Variants in HSD17B6 observed in about 807,000 individuals in gnomAD.
HSD17B6 encodes hydroxysteroid 17-beta dehydrogenase 6, also known as 17-beta-hydroxysteroid dehydrogenase type 6.
In HSD17B6, 16 loss-of-function variants were observed where a neutral mutation model predicts 26.4. That is an observed-to-expected ratio of 0.61 (90% CI 0.41 to 0.92). The LOEUF (loss-of-function observed/expected upper bound fraction) is 0.92. HSD17B6 is among the 40% of genes least tolerant of loss of function. The pLI, the probability that HSD17B6 is intolerant of heterozygous loss-of-function variation, is 0.00. For missense variants in HSD17B6, 357 were observed against 386.1 expected, an observed-to-expected ratio of 0.92 and a Z score of 0.63; for synonymous variants, 139 against 153.0, an observed-to-expected ratio of 0.91 and a Z score of 0.68.
At chr12:56,781,881 G>A (rs1954721950) in intron 2 of HSD17B6, 93 bp from the exon 3 acceptor site, 3 of 1,336,956 alleles carry the variant, frequency 2.2e-6, no homozygotes, top group Non-Finnish European at 3.1e-6. Context: ...TAGTGGTTAT[G>A]ATTCCTCAAG....
chr12:56,777,723 A>T (rs1333553024), intron 2 of HSD17B6, among the ~76,000 whole-genome samples: 1 of 152,124 alleles, frequency 6.6e-6, no homozygotes, highest in African/African-American at 2.4e-5. Flanking sequence ...TGATTTGACT[A>T]AAAAAATTTT....
intron 2 of HSD17B6, among the ~76,000 whole-genome samples, chr12:56,775,641 C>T (rs527894844): frequency 6.6e-6 from 1 of 152,106 alleles, no homozygotes; most frequent in East Asian, 1.9e-4. Context: ...CAACAATTTT[C>T]CCTTTTTTTT....
chr12:56,769,093 G>A (rs1954410686), intron 1 of HSD17B6, among the ~76,000 whole-genome samples: 2 of 141,248 alleles, frequency 1.4e-5, no homozygotes, highest in Admixed American at 8.0e-5. Flanking sequence ...GGCAGTTTCA[G>A]CTTTTCAAGG....
chr12:56,769,129 G>T (rs187189892), intron 1 of HSD17B6, among the ~76,000 whole-genome samples: 1 of 143,972 alleles, frequency 6.9e-6, no homozygotes, highest in Admixed American at 7.2e-5. Context: ...TTGAGGCAGA[G>T]TCTCACTCTG....
At chr12:56,766,690 G>A (rs1592354799) in intron 1 of HSD17B6, among the ~76,000 whole-genome samples, 1 of 152,316 alleles carries the variant, frequency 6.6e-6, no homozygotes, top group African/African-American at 2.4e-5. Flanking sequence ...GCCCTATGTG[G>A]ATGAGAGGGG....
chr12:56,772,113 G>T (rs188749474), intron 1 of HSD17B6, among the ~76,000 whole-genome samples: 3 of 151,944 alleles, frequency 2.0e-5, no homozygotes, highest in Admixed American at 1.3e-4. Context: ...GTGTGAAAAC[G>T]GACTAGTACA....
At chr12:56,781,873 G>T (rs1954721717) in intron 2 of HSD17B6, 101 bp from the exon 3 acceptor site, 2 of 1,223,126 alleles carry the variant, frequency 1.6e-6, no homozygotes, top group Non-Finnish European at 2.3e-6. Context: ...GGGGTGGTTA[G>T]TGGTTATGAT....
intron 1 of HSD17B6, among the ~76,000 whole-genome samples, chr12:56,767,441 TG>T (rs1954355503): frequency 6.7e-6 from 1 of 150,294 alleles, no homozygotes; most frequent in Non-Finnish European, 1.5e-5. Flanking sequence ...GGCGTGAACC[TG>T]GGAGGCAGAG....
At chr12:56,785,662 G>A (rs1004478479) in intron 4 of HSD17B6, among the ~76,000 whole-genome samples, 1 of 152,236 alleles carries the variant, frequency 6.6e-6, no homozygotes, top group African/African-American at 2.4e-5. Flanking sequence ...CATACTTAGA[G>A]GCATGGACCC....
chr12:56,787,329 C>G lies in HSD17B6; in HGVS notation c.941C>G (p.Ala314Gly). The change falls in exon 5 of 5, where the codon GCC becomes GGC. Residue 314 changes from alanine to glycine, a missense_variant. Ala to Gly is a moderately conservative substitution (Grantham distance 60, BLOSUM62 0). Transcript: ENST00000322165. Reference sequence around the variant, plus strand: ...TTGACTAGATCTTGGCCCAAACCAGCCCAGGCAGTCTAAAGAAAACTGGGT... The same window carrying G: ...TTGACTAGATCTTGGCCCAAACCAGGCCAGGCAGTCTAAAGAAAACTGGGT... ...YILTRSWPKP[A>G]QAV 6.2e-7 allele frequency: 1 copy of G among 1,612,310 alleles called. No homozygotes were observed. The highest frequency in any genetic ancestry group is 8.5e-7 in the Non-Finnish European group (1 of 1,178,640).
chr12:56,785,880 A>T (rs1159392210), intron 4 of HSD17B6: 2 of 882,086 alleles, frequency 2.3e-6, no homozygotes, highest in Non-Finnish European at 2.7e-6. Flanking sequence ...CCATTCCCTG[A>T]GGCTATATTT....
At chr12:56,774,221 T>C (rs908843829) in intron 2 of HSD17B6, 56 bp downstream of exon 2, 4 of 1,465,758 alleles carry the variant, frequency 2.7e-6, no homozygotes, top group African/African-American at 2.8e-5. Flanking sequence ...AGGTTATATA[T>C]ACAGTTGTTC....
chr12:56,776,922 C>A (rs1369013443), intron 2 of HSD17B6, among the ~76,000 whole-genome samples: 1 of 152,162 alleles, frequency 6.6e-6, no homozygotes, highest in Non-Finnish European at 1.5e-5. Flanking sequence ...CAGTTTTTGG[C>A]AATTATGAAT....
intron 2 of HSD17B6, among the ~76,000 whole-genome samples, chr12:56,776,028 C>T (rs753497328): frequency 2.5e-4 from 38 of 152,152 alleles, no homozygotes; most frequent in African/African-American, 8.0e-4. Flanking sequence ...CGGCTTCAAG[C>T]GATTCGCCTT....
At chr12:56,772,628 C>T (rs1350370372) in intron 1 of HSD17B6, among the ~76,000 whole-genome samples, 2 of 145,232 alleles carry the variant, frequency 1.4e-5, no homozygotes, top group Non-Finnish European at 3.0e-5. Flanking sequence ...ACCCAGGAGG[C>T]GGAGGTTGCA....
chr12:56,784,762 T>C, intron 3 of HSD17B6, 91 bp from the exon 4 acceptor site: 1 of 1,264,490 alleles, frequency 7.9e-7, no homozygotes, highest in African/African-American at 1.5e-5. Context: ...TCAGTAAAGG[T>C]ATTTTATAAT....
intron 3 of HSD17B6, among the ~76,000 whole-genome samples, chr12:56,783,197 C>G (rs1954765220): frequency 6.6e-6 from 1 of 151,904 alleles, no homozygotes; most frequent in Non-Finnish European, 1.5e-5. Flanking sequence ...AGAGGGGCTC[C>G]TCACTTCCCA....
At chr12:56,778,088 G>C (rs1209144412) in intron 2 of HSD17B6, among the ~76,000 whole-genome samples, 1 of 152,196 alleles carries the variant, frequency 6.6e-6, no homozygotes, top group Middle Eastern at 3.4e-3. Context: ...CATGTTAAGG[G>C]CTCAATAAAT....
intron 1 of HSD17B6, among the ~76,000 whole-genome samples, 168 bp downstream of exon 1, chr12:56,763,582 C>G (rs1443507545): frequency 2.6e-5 from 4 of 151,880 alleles, no homozygotes; most frequent in Non-Finnish European, 5.9e-5. Flanking sequence ...GAAATTTTGT[C>G]ACGATTGCTT....
Sources: gnomAD v4.1 joint callset for allele counts (sites outside exome capture counted in the v4.1 genomes callset) on GRCh38, gnomAD v4.1.1 for gene constraint, MANE v1.5 for transcripts, NCBI Gene and HGNC (gene_info 2026-07-23, HGNC 2026-07-21) for gene names.